Variants in ACP1 observed in about 807,000 individuals in gnomAD.
ACP1 encodes the protein acid phosphatase 1.
ACP1 carries 23 observed loss-of-function variants against 23.4 expected under a neutral mutation model. That is an observed-to-expected ratio of 0.98 (90% CI 0.71 to 1.39). The LOEUF is 1.39. ACP1 is among the 40% of genes most tolerant of loss of function. ACP1 has a pLI of 0.00. For missense variants in ACP1, 180 were observed against 197.7 expected, an observed-to-expected ratio of 0.91 and a Z score of 0.54; for synonymous variants, 72 against 67.2, an observed-to-expected ratio of 1.07 and a Z score of -0.35.
At chr2:275,041 G>C (rs1572199102) in intron 3 of ACP1, 99 bp from the exon 4 acceptor site, 2 of 483,276 alleles carry the variant, frequency 4.1e-6, no homozygotes, top group East Asian at 3.1e-5. Context: ...TGAGTAACAG[G>C]CTCAAATACA....
chr2:272,189 C>T, intron 3 of ACP1, 39 bp downstream of exon 3: 1 of 1,614,156 alleles, frequency 6.2e-7, no homozygotes, highest in Non-Finnish European at 8.5e-7. Context: ...TTTTGTGTTT[C>T]AGTGGGTCAT....
chr2:272,477 C>T lies in ACP1; in HGVS notation c.231+327C>T, dbSNP rs1572197633. ...GGTTGCACGGTGTTGAAAGACTTGCCTGACTTTGGAATTTACTTATTAAAA... is the reference window on the plus strand; with the variant it reads ...GGTTGCACGGTGTTGAAAGACTTGCTTGACTTTGGAATTTACTTATTAAAA... On this transcript the variant is annotated intron_variant, in intron 3 of 5. Transcript: ENST00000272065. The T allele has an allele frequency of 1.2e-5, 17 of 1,433,598 alleles. No homozygotes were observed. In the South Asian group the frequency reaches 1.5e-4, roughly 13 times the overall value. 88.8% of individuals were successfully genotyped at this position (1,433,598 alleles called of 1,614,324 possible).
chr2:276,884 G>T, intron 4 of ACP1, 96 bp from the exon 5 acceptor site: 1 of 751,008 alleles, frequency 1.3e-6, no homozygotes, highest in Non-Finnish European at 2.2e-6. Flanking sequence ...ATTCTGTCTT[G>T]ATTTTGATAT....
At chr2:274,911 A>G in intron 3 of ACP1, 1 of 332,900 alleles carries the variant, frequency 3.0e-6, no homozygotes, top group Non-Finnish European at 5.5e-6. Context: ...ACATTATACT[A>G]TTTTATGATT....
intron 1 of ACP1, chr2:269,443 AAC>A (rs1485067646): frequency 2.3e-6 from 1 of 439,464 alleles, no homozygotes; most frequent in Non-Finnish European, 4.7e-6. Context: ...TGTGTTTTAC[AAC>A]ACTAGAAGAT....
rs767412797 is a variant in ACP1 at position 272,147 on chromosome 2, G to A, written c.228G>A (p.Arg76=). ...GCATTCCCATGAGCCACGTTGCCCG[G>A]CAGGTACCGTCCTTGGACTTGAAGT... is the stretch of plus-strand genomic sequence containing the variant. The part of the protein sequence containing the change: ...RHGIPMSHVA[R]QITKEDFATF... The change falls in exon 3 of 6, where the codon CGG becomes CGA. Residue 76 remains arginine (R), a synonymous_variant. Coordinates refer to ENST00000272065, the MANE Select transcript of ACP1 (RefSeq NM_004300.4). 1 of 1,614,208 alleles carries A rather than the reference G, an allele frequency of 6.2e-7. No individual in the cohort carries two copies. The highest frequency in any genetic ancestry group is 2.2e-5 in the East Asian group (1 of 44,876).
At chr2:275,014 A>T (rs2103075699) in intron 3 of ACP1, 126 bp from the exon 4 acceptor site, 1 of 412,228 alleles carries the variant, frequency 2.4e-6, no homozygotes, top group African/African-American at 2.0e-5. Context: ...CCTAAAAATT[A>T]TTTAATTGTT....
intron 3 of ACP1, among the ~76,000 whole-genome samples, chr2:273,388 C>G (rs1178931175): frequency 3.3e-5 from 5 of 152,232 alleles, no homozygotes; most frequent in Non-Finnish European, 7.3e-5. Flanking sequence ...GTTCTGAGGT[C>G]TCATCACTTT....
At chr2:270,534 C>G (rs1357898050) in intron 1 of ACP1, among the ~76,000 whole-genome samples, 1 of 151,976 alleles carries the variant, frequency 6.6e-6, no homozygotes, top group Non-Finnish European at 1.5e-5. Context: ...TGCTTTGTAG[C>G]ATCGTTCTTT....
At chr2:269,306 A>AT (rs1558262176) in intron 1 of ACP1, 1 of 470,884 alleles carries the variant, frequency 2.1e-6, no homozygotes, top group South Asian at 1.5e-5. Flanking sequence ...TGTAGGTAAG[A>AT]TTTTTTACTG....
intron 1 of ACP1, among the ~76,000 whole-genome samples, chr2:265,507 C>T (rs1261496871): frequency 2.0e-5 from 3 of 152,164 alleles, no homozygotes; most frequent in East Asian, 3.8e-4. Flanking sequence ...CAAAGGAGAC[C>T]TGGAGGTCCC....
intron 3 of ACP1, chr2:272,513 AG>A: frequency 2.1e-6 from 3 of 1,417,518 alleles, no homozygotes; most frequent in Non-Finnish European, 2.8e-6. Context: ...TGCACATAAA[AG>A]CTAGGTAATT....
chr2:267,161 T>C (rs999674456), intron 1 of ACP1, among the ~76,000 whole-genome samples: 8 of 152,204 alleles, frequency 5.3e-5, no homozygotes, highest in African/African-American at 1.9e-4. Context: ...AAGCTGACCA[T>C]GGGGTAACCA....
rs1670043909 is a variant in ACP1 at position 271,906 on chromosome 2, G to C, written c.84G>C (p.Arg28Ser). The C allele has an allele frequency of 6.2e-7, 1 of 1,613,090 alleles. No individual in the cohort carries two copies. Among genetic ancestry groups the C allele is most frequent in the Non-Finnish European group, 8.5e-7 (1 of 1,179,842 alleles). The change falls in exon 2 of 6, where the codon AGG becomes AGC. Residue 28 changes from arginine to serine, a missense_variant. Arg to Ser is a moderately radical substitution (Grantham distance 110, BLOSUM62 -1). This residue lies in a region of ACP1 where 132 missense variants were observed against 124.1 expected (regional missense o/e 1.06). Coordinates refer to ENST00000272065, the MANE Select transcript of ACP1 (RefSeq NM_004300.4). ...CRSPIAEAVF[R>S]KLVTDQNISE... ...CACCCATTGCAGAAGCAGTTTTCAG[G>C]AAACTTGTAACCGATCAAAACATCT...
At chr2:273,004 A>C (rs943291375) in intron 3 of ACP1, 1 of 154,450 alleles carries the variant, frequency 6.5e-6, no homozygotes, top group African/African-American at 2.4e-5. Context: ...GCCAGTTTCT[A>C]CTGGCCATTG....
chr2:275,133 A>G lies in ACP1; in HGVS notation c.232-7A>G, dbSNP rs376324742. ...ACACTGTGTTTTGACTTCTTATTCA[A>G]TTTTAGATTACCAAAGAAGATTTTG... On this transcript the variant is annotated splice_polypyrimidine_tract_variant and splice_region_variant and intron_variant, in intron 3 of 5. Transcript: ENST00000272065. The G allele has an allele frequency of 2.7e-6, 4 of 1,476,508 alleles. No individual in the cohort carries two copies. The highest frequency in any genetic ancestry group is 2.3e-5 in the East Asian group (1 of 43,742). The allele number at this position is 1,476,508 out of a possible 1,614,324, so 91.5% of individuals were successfully genotyped here. A position where few individuals can be genotyped will look rare whatever the true frequency, so the allele number is the denominator to read the frequency against.
At chr2:271,233 T>A (rs1397865949) in intron 1 of ACP1, among the ~76,000 whole-genome samples, 2 of 152,244 alleles carry the variant, frequency 1.3e-5, no homozygotes, top group Non-Finnish European at 2.9e-5. Context: ...TACATACAGT[T>A]GACCCTTCAG....
intron 4 of ACP1, chr2:275,560 G>C (rs1010888448): frequency 5.0e-5 from 8 of 159,774 alleles, no homozygotes; most frequent in African/African-American, 1.9e-4. Context: ...TTGATTCTCA[G>C]GTCAAAGCTC....
At chr2:273,070 A>G (rs12714403) in intron 3 of ACP1, 140,938 of 154,412 alleles carry the variant, frequency 0.91, 64,445 homozygotes, top group African/African-American at 0.97. Context: ...GGGGCTGTGA[A>G]GTCCTTCTTG....
Sources: gnomAD v4.1 joint callset for allele counts (sites outside exome capture counted in the v4.1 genomes callset) on GRCh38, gnomAD v4.1.1 for gene constraint, gnomAD v4.1.1 regional missense constraint, MANE v1.5 for transcripts, NCBI Gene and HGNC (gene_info 2026-07-23, HGNC 2026-07-21) for gene names.